SI: variants seen among roughly 807,000 people sequenced by gnomAD.
SI encodes sucrase-isomaltase.
In SI, 235 loss-of-function variants were observed where a neutral mutation model predicts 253.3. That is an observed-to-expected ratio of 0.93 (90% CI 0.83 to 1.03). The LOEUF (loss-of-function observed/expected upper bound fraction) is 1.03. SI is among the 50% of genes least tolerant of loss of function. The pLI is 0.00. For missense variants in SI, 2,442 were observed against 2,211.1 expected (o/e 1.10, Z -2.09); for synonymous variants, 819 against 712.0 (o/e 1.15, Z -2.39).
intron 13 of SI, among the ~76,000 whole-genome samples, chr3:165,053,833 T>A (rs1168541441): frequency 6.6e-6 from 1 of 152,056 alleles, no homozygotes. Context: ...CTAAAGAAAC[T>A]TTCAATATAG....
chr3:165,040,044 CT>C (rs1712737129), intron 18 of SI, 73 bp from the exon 19 acceptor site: 2 of 1,231,148 alleles, frequency 1.6e-6, no homozygotes, highest in East Asian at 4.7e-5. Flanking sequence ...TTCAGTTTAT[CT>C]TTTCAGTTTT....
chr3:165,049,351 A>G, intron 14 of SI, 107 bp from the exon 15 acceptor site: 2 of 754,118 alleles, frequency 2.7e-6, no homozygotes, highest in Non-Finnish European at 4.6e-6. Context: ...ATGAAATTCC[A>G]TATTTGGTTA....
intron 27 of SI, among the ~76,000 whole-genome samples, chr3:165,020,875 T>C (rs1255815064): frequency 6.6e-6 from 1 of 151,660 alleles, no homozygotes; most frequent in Admixed American, 6.6e-5. Context: ...ATTTCAACAG[T>C]TTCAATAAAA....
chr3:165,049,939 T>C, intron 13 of SI, 64 bp from the exon 14 acceptor site: 2 of 1,009,978 alleles, frequency 2.0e-6, no homozygotes, highest in Non-Finnish European at 3.2e-6. Context: ...TAGCAGAAAC[T>C]CTCTAGTTGT....
At position 164,991,428 on chromosome 3, in the gene SI, TA is replaced by T. The variant is rs1717729810; in HGVS notation, c.5032del (p.Tyr1678MetfsTer4). Reference sequence around the variant, plus strand: ...ACGGACATGTAGGTTTATTGTGTCATAAGAAGCATTAAATGTTTGAAATTGT... The same window carrying T: ...ACGGACATGTAGGTTTATTGTGTCATAGAAGCATTAAATGTTTGAAATTGT... ...RGQFQTFNAS[Y>X]DTINLHVRGG... On this transcript the variant is annotated frameshift_variant, in exon 44 of 48. Coordinates refer to ENST00000264382, the MANE Select transcript of SI (RefSeq NM_001041.4). LOFTEE classifies it high-confidence loss of function. 4 of 1,613,570 alleles carry T rather than the reference TA, an allele frequency of 2.5e-6. No individual in the cohort carries two copies. Among genetic ancestry groups the T allele is most frequent in the Non-Finnish European group, 3.4e-6 (4 of 1,179,622 alleles).
rs1046337288 is a variant in SI, at chr3:165,033,323, A to G, written c.2565+72T>C. 11 of 1,356,632 alleles carry G rather than the reference A, an allele frequency of 8.1e-6. No homozygotes were observed. The South Asian group carries it at 1.9e-4, about 24-fold the overall frequency. The allele number at this position is 1,356,632 out of a possible 1,614,324, so 84.0% of individuals were successfully genotyped here. On this transcript the variant is annotated intron_variant, in intron 23 of 47. Transcript: ENST00000264382. ...CAAATGTAAACATCTTTTCCAAAAA[A>G]TTTATCATAAAAGAATAACCTAGGC... is the stretch of plus-strand genomic sequence containing the variant.
At chr3:165,015,759 T>G (rs570491198) in intron 32 of SI, among the ~76,000 whole-genome samples, 193 bp downstream of exon 32, 4 of 152,200 alleles carry the variant, frequency 2.6e-5, no homozygotes, top group South Asian at 2.1e-4. Context: ...TCTAGGGATA[T>G]ACCTAAATAC....
chr3:165,018,290 T>C (rs981100687), intron 28 of SI, among the ~76,000 whole-genome samples: 5 of 150,994 alleles, frequency 3.3e-5, no homozygotes, highest in African/African-American at 1.2e-4. Context: ...ATAATATTTG[T>C]ATATTAATAG....
At chr3:165,084,278 T>C in the SI span, among the ~76,000 whole-genome samples, 1 of 151,982 alleles carries the variant, frequency 6.6e-6, no homozygotes, top group South Asian at 2.1e-4. Context: ...ACACCCATGA[T>C]TGTGGGAATT....
chr3:165,043,248 C>T (rs916896802), intron 16 of SI, 73 bp from the exon 17 acceptor site: 10 of 945,058 alleles, frequency 1.1e-5, no homozygotes, highest in Non-Finnish European at 1.7e-5. Flanking sequence ...CACTGTATGC[C>T]TCAACTGATG....
chr3:165,079,843 G>T (rs918920691), upstream of SI, among the ~76,000 whole-genome samples: 1 of 151,616 alleles, frequency 6.6e-6, no homozygotes, highest in East Asian at 1.9e-4. Context: ...AATTAGAATA[G>T]CACCAAAAAA....
chr3:165,016,395 A>G (rs1379121472), intron 31 of SI, among the ~76,000 whole-genome samples: 1 of 152,000 alleles, frequency 6.6e-6, no homozygotes, highest in Non-Finnish European at 1.5e-5. Context: ...ACACTGAGCA[A>G]TAGGATTTAT....
intron 25 of SI, among the ~76,000 whole-genome samples, chr3:165,025,783 A>C (rs1711882437): frequency 6.6e-6 from 1 of 151,428 alleles, no homozygotes; most frequent in South Asian, 2.1e-4. Context: ...CAGACAAACA[A>C]ATGCTGAGAG....
Position 165,017,856 on chromosome 3 carries a change from T to C in SI, c.3538A>G (p.Thr1180Ala), listed in dbSNP as rs753519683. ...ACTGTACGGTAAGTTAGAGCAGGAG[T>C]TGGCTGGAATGTAACATCTGGAAAT... ...SNAMDVTFQP[T>A]PALTYRTVGG... The change falls in exon 30 of 48, where the codon ACT (threonine) becomes GCT (alanine). Residue 1180 changes from threonine (T) to alanine (A), a missense_variant. Coordinates refer to ENST00000264382, the MANE Select transcript of SI (RefSeq NM_001041.4). 5.6e-6 allele frequency: 9 copies of C among 1,612,390 alleles called. No individual in the cohort carries two copies. Among genetic ancestry groups the C allele is most frequent in the Non-Finnish European group, 7.6e-6 (9 of 1,179,038 alleles).
In SI at chr3:164,983,019, G is replaced by T. The variant is rs749129647; in HGVS notation, c.5230C>A (p.Gln1744Lys). ...TTACATACCTGGTTTAAATTAAATTGTACAGATAAATATAGGTCTCTTTCA... is the reference window on the plus strand; with the variant it reads ...TTACATACCTGGTTTAAATTAAATTTTACAGATAAATATAGGTCTCTTTCA... Reference protein sequence around the residue: ...TYERDLYLSVQFNLNQTTLTS... With the variant: ...TYERDLYLSVKFNLNQTTLTS... Residue 1744 changes from glutamine to lysine, a missense_variant, in exon 46 of 48, where the codon CAA (glutamine) becomes AAA (lysine). Transcript: ENST00000264382. 2 of 1,546,788 alleles carry T rather than the reference G, an allele frequency of 1.3e-6. No individual in the cohort carries two copies. The highest frequency in any genetic ancestry group is 1.8e-6 in the Non-Finnish European group (2 of 1,127,790).
intron 44 of SI, among the ~76,000 whole-genome samples, chr3:164,988,385 A>G (rs1717543233): frequency 6.6e-6 from 1 of 152,156 alleles, no homozygotes; most frequent in African/African-American, 2.4e-5. Context: ...ATATGGCTTA[A>G]CCTGCAATTT....
intron 47 of SI, 99 bp downstream of exon 47, chr3:164,982,144 G>T: frequency 1.2e-6 from 1 of 830,790 alleles, no homozygotes; most frequent in Non-Finnish European, 1.9e-6. Flanking sequence ...TGTCATAATT[G>T]ACTCATAATT....
intron 45 of SI, among the ~76,000 whole-genome samples, chr3:164,983,999 C>G (rs1186286227): frequency 6.6e-6 from 1 of 152,074 alleles, no homozygotes; most frequent in Non-Finnish European, 1.5e-5. Flanking sequence ...TATCACTTTA[C>G]TCTAAAAGAT....
intron 1 of SI, 70 bp from the exon 2 acceptor site, chr3:165,076,082 A>G (rs1714955207): frequency 9.2e-7 from 1 of 1,089,652 alleles, no homozygotes; most frequent in Admixed American, 2.6e-5. Context: ...AACAATTCTC[A>G]TGAAATTACA....
Sources: allele counts gnomAD v4.1 joint callset (sites outside exome capture counted in the v4.1 genomes callset), GRCh38; gene constraint gnomAD v4.1.1; transcripts MANE v1.5; gene names NCBI Gene and HGNC (gene_info 2026-07-23, HGNC 2026-07-21).